Variants in MAGI1 observed in about 807,000 individuals in gnomAD.
The protein encoded by MAGI1 is membrane associated guanylate kinase, WW and PDZ domain containing 1.
A neutral mutation model predicts 139.9 loss-of-function variants in MAGI1; 58 were observed. The ratio of observed to expected loss-of-function variants is 0.41; its 90% confidence interval spans 0.34 to 0.52. MAGI1 has a LOEUF of 0.52. Among genes scored for constraint, MAGI1 ranks in the 20% least tolerant of loss-of-function variants. MAGI1 has a pLI of 0.12. For synonymous variants in MAGI1, 812 were observed against 737.9 expected (o/e 1.10, Z -1.63); for missense variants, 1,874 against 1,901.6 (o/e 0.99, Z 0.27).
chr3:65,440,143 A>T, intron 8 of MAGI1, 131 bp from the exon 9 acceptor site: 1 of 989,274 alleles, frequency 1.0e-6, no homozygotes. Context: ...GTGTGTTAAA[A>T]TGCTCAGTTA....
intron 2 of MAGI1, among the ~76,000 whole-genome samples, chr3:65,528,195 G>A (rs1018632778): frequency 6.6e-6 from 1 of 152,084 alleles, no homozygotes; most frequent in Non-Finnish European, 1.5e-5. Flanking sequence ...AAAACTAACA[G>A]AAGCACTTTA....
intron 2 of MAGI1, among the ~76,000 whole-genome samples, chr3:65,587,327 C>G (rs1024036103): frequency 2.0e-5 from 3 of 152,008 alleles, no homozygotes; most frequent in African/African-American, 7.3e-5. Context: ...AACACAAAGC[C>G]TATTTTATAA....
intron 1 of MAGI1, among the ~76,000 whole-genome samples, chr3:65,693,101 A>G (rs1353687161): frequency 6.6e-6 from 1 of 151,964 alleles, no homozygotes; most frequent in African/African-American, 2.4e-5. Context: ...ATGCCTGGCT[A>G]TTTTTATTTT....
intron 1 of MAGI1, among the ~76,000 whole-genome samples, chr3:65,807,871 G>T (rs1161171791): frequency 2.0e-5 from 3 of 152,170 alleles, no homozygotes; most frequent in Admixed American, 6.5e-5. Flanking sequence ...CAGAGCGATT[G>T]AGTAAATTAT....
At chr3:65,838,844 C>T (rs1161946065) in intron 1 of MAGI1, among the ~76,000 whole-genome samples, 2 of 152,194 alleles carry the variant, frequency 1.3e-5, no homozygotes, top group Non-Finnish European at 2.9e-5. Flanking sequence ...TTCCCACCAA[C>T]AATGTATGAG....
intron 1 of MAGI1, among the ~76,000 whole-genome samples, chr3:65,637,576 G>GAAAGAAAGAAAC (rs2084709633): frequency 1.4e-5 from 2 of 147,432 alleles, no homozygotes; most frequent in African/African-American, 5.0e-5. Flanking sequence ...AAGAAAGAAA[G>GAAAGAAAGAAAC]AAAGAAAGAA....
intron 2 of MAGI1, among the ~76,000 whole-genome samples, chr3:65,583,901 C>A (rs1169540631): frequency 6.6e-6 from 1 of 152,082 alleles, no homozygotes; most frequent in Non-Finnish European, 1.5e-5. Context: ...GTGACCTCTA[C>A]TAGTCTTTCA....
intron 1 of MAGI1, among the ~76,000 whole-genome samples, chr3:65,897,120 TG>T (rs1217726814): frequency 9.2e-5 from 14 of 152,236 alleles, no homozygotes; most frequent in African/African-American, 2.9e-4. Flanking sequence ...GTTGTTATAC[TG>T]TTTTTTTATT....
At chr3:65,718,192 C>A (rs79464575) in intron 1 of MAGI1, among the ~76,000 whole-genome samples, 3,401 of 152,008 alleles carry the variant, frequency 0.022, 121 homozygotes, top group African/African-American at 0.077. Flanking sequence ...TCATACTGGT[C>A]AACACAAACT....
rs1459162017 is a variant in MAGI1 at position 65,963,280 on chromosome 3, C to G, written c.313+74716G>C. On this transcript the variant is annotated intron_variant, in intron 1 of 22. Transcript: ENST00000402939. The stretch of plus-strand genomic sequence containing the variant: ...TGAGTCGAGAGCGCACCACTGCACT[C>G]CAGCCTGGTCAACAGAGCGAGACTC... Among the ~76,000 whole-genome samples the G allele has an allele frequency of 2.2e-5, 3 of 134,008 alleles. No homozygotes were observed. In the Admixed American group the frequency reaches 2.4e-4, roughly 11 times the overall value. 87.9% of individuals were successfully genotyped at this position (134,008 alleles called of 152,430 possible).
chr3:65,735,912 T>A (rs2034684891), intron 1 of MAGI1, among the ~76,000 whole-genome samples: 1 of 152,158 alleles, frequency 6.6e-6, no homozygotes, highest in East Asian at 1.9e-4. Context: ...GGACCATTCT[T>A]ACCTCCACAG....
intron 1 of MAGI1, among the ~76,000 whole-genome samples, chr3:65,944,411 G>A (rs572967227): frequency 3.3e-5 from 5 of 152,060 alleles, no homozygotes; most frequent in Non-Finnish European, 5.9e-5. Flanking sequence ...CTAGCTGCTC[G>A]AGAGGCTGAG....
At chr3:65,478,516 T>G (rs113016775) in intron 4 of MAGI1, 76 bp downstream of exon 4, 1 of 1,429,782 alleles carries the variant, frequency 7.0e-7, no homozygotes, top group Admixed American at 1.7e-5. Context: ...ACAGCATCCT[T>G]TTCAAAACTC....
intron 1 of MAGI1, among the ~76,000 whole-genome samples, chr3:65,921,703 A>G (rs2062196764): frequency 6.6e-6 from 1 of 152,144 alleles, no homozygotes; most frequent in South Asian, 2.1e-4. Context: ...ATTCCTCCTC[A>G]AGAAAAGGTC....
intron 5 of MAGI1, among the ~76,000 whole-genome samples, chr3:65,454,559 A>ATAATG (rs1553646629): frequency 2.2e-5 from 3 of 139,002 alleles, no homozygotes; most frequent in Non-Finnish European, 4.5e-5. Flanking sequence ...TAATAATAAA[A>ATAATG]AAATACTTGT....
chr3:65,581,215 T>C (rs1399973439), intron 2 of MAGI1, among the ~76,000 whole-genome samples: 2 of 152,044 alleles, frequency 1.3e-5, no homozygotes. Flanking sequence ...TTCTTTGAAA[T>C]GTTGAGTCAA....
At chr3:65,361,572 C>A (rs893686598) in intron 21 of MAGI1, among the ~76,000 whole-genome samples, 1 of 152,100 alleles carries the variant, frequency 6.6e-6, no homozygotes, top group Non-Finnish European at 1.5e-5. Context: ...GCAGTAAGGG[C>A]ATGTTAATGG....
chr3:65,638,275 T>C (rs2084759932), intron 1 of MAGI1, among the ~76,000 whole-genome samples: 1 of 152,188 alleles, frequency 6.6e-6, no homozygotes, highest in African/African-American at 2.4e-5. Flanking sequence ...CTTCATCATC[T>C]GACTTGAAAG....
chr3:65,706,184 T>A (rs1044557037), intron 1 of MAGI1, among the ~76,000 whole-genome samples: 2 of 152,236 alleles, frequency 1.3e-5, no homozygotes, highest in Admixed American at 1.3e-4. Flanking sequence ...TAGTTTAAAT[T>A]TCATTTTGCT....
Sources: gnomAD v4.1 joint callset for allele counts (sites outside exome capture counted in the v4.1 genomes callset) on GRCh38, gnomAD v4.1.1 for gene constraint, MANE v1.5 for transcripts, NCBI Gene and HGNC (gene_info 2026-07-23, HGNC 2026-07-21) for gene names.